CDC42BPA: variants seen among roughly 807,000 people sequenced by gnomAD.
CDC42BPA encodes serine/threonine-protein kinase MRCK alpha.
In CDC42BPA, 80 loss-of-function variants were observed where a neutral mutation model predicts 223.5. That is an observed-to-expected ratio of 0.36 (90% CI 0.30 to 0.43). CDC42BPA has a LOEUF of 0.43. CDC42BPA is among the 20% of genes least tolerant of loss of function. The pLI is 1.00. For synonymous variants in CDC42BPA, 694 were observed against 718.6 expected, an observed-to-expected ratio of 0.97 and a Z score of 0.55; for missense variants, 1,743 against 2,099.9, an observed-to-expected ratio of 0.83 and a Z score of 3.32.
intron 14 of CDC42BPA, among the ~76,000 whole-genome samples, chr1:227,104,092 C>A (rs987357718): frequency 1.3e-5 from 2 of 151,956 alleles, no homozygotes; most frequent in South Asian, 2.1e-4. Flanking sequence ...ATTAAGACTA[C>A]TAAATTAAAT....
At chr1:227,101,745 G>A (rs1408945528) in intron 14 of CDC42BPA, among the ~76,000 whole-genome samples, 1 of 151,784 alleles carries the variant, frequency 6.6e-6, no homozygotes, top group Non-Finnish European at 1.5e-5. Flanking sequence ...AATGGCAAAG[G>A]TCTAAACTAA....
At chr1:227,018,603 C>T (rs1331748868) in intron 32 of CDC42BPA, among the ~76,000 whole-genome samples, 1 of 152,134 alleles carries the variant, frequency 6.6e-6, no homozygotes, top group East Asian at 1.9e-4. Flanking sequence ...CATAGTCACA[C>T]ACAGTGAGAA....
chr1:227,269,188 A>T lies in CDC42BPA; in HGVS notation c.179-15033T>A, dbSNP rs558895007. ...AAATAGGTGGGGCTATGTTCCAATAAATCTGTATTTACAAAAACAAGGCAG... is the reference window on the plus strand; with the variant it reads ...AAATAGGTGGGGCTATGTTCCAATATATCTGTATTTACAAAAACAAGGCAG... On this transcript the variant is annotated intron_variant, in intron 1 of 36. Transcript: ENST00000366766. Among the ~76,000 whole-genome samples the T allele has an allele frequency of 6.6e-5, 10 of 152,352 alleles. No homozygotes were observed. The South Asian group carries it at 2.1e-3, about 32-fold the overall frequency.
At chr1:227,154,712 G>C (rs1392384834) in intron 6 of CDC42BPA, among the ~76,000 whole-genome samples, 2 of 151,982 alleles carry the variant, frequency 1.3e-5, no homozygotes, top group African/African-American at 2.4e-5. Flanking sequence ...TGTATTAACA[G>C]ACATAAAACC....
chr1:227,265,486 C>T (rs1228298993), intron 1 of CDC42BPA, among the ~76,000 whole-genome samples: 3 of 151,888 alleles, frequency 2.0e-5, no homozygotes, highest in South Asian at 2.1e-4. Context: ...CCAAGGCGGG[C>T]GGAATTGTGG....
chr1:227,006,739 A>C (rs1407814519), intron 34 of CDC42BPA, among the ~76,000 whole-genome samples: 1 of 152,200 alleles, frequency 6.6e-6, no homozygotes, highest in Non-Finnish European at 1.5e-5. Flanking sequence ...ATTCGAGACC[A>C]GCCTGGCTAA....
chr1:227,117,407 A>G (rs1337910878), intron 12 of CDC42BPA, among the ~76,000 whole-genome samples: 1 of 151,996 alleles, frequency 6.6e-6, no homozygotes, highest in Non-Finnish European at 1.5e-5. Context: ...GCCTCAATCT[A>G]CCAGGCTCAA....
intron 5 of CDC42BPA, among the ~76,000 whole-genome samples, chr1:227,171,673 AT>A (rs373451430): frequency 4.7e-5 from 7 of 150,250 alleles, no homozygotes; most frequent in Admixed American, 6.6e-5. Flanking sequence ...TCTATGGGTG[AT>A]TTTTTTTTTA....
chr1:227,207,146 T>A lies in CDC42BPA; in HGVS notation c.354+5990A>T, dbSNP rs1256332600. On this transcript the variant is annotated intron_variant, in intron 3 of 36. Coordinates refer to ENST00000366766, the MANE Select transcript of CDC42BPA (RefSeq NM_001394014.1). Reference sequence around the variant, plus strand: ...CCCTTCCTGTGTCCATGTGTTCTCATTGTTCAATTCCCACCTATGAGTGAG... The same window carrying A: ...CCCTTCCTGTGTCCATGTGTTCTCAATGTTCAATTCCCACCTATGAGTGAG... 1.5e-4 allele frequency among the ~76,000 whole-genome samples: 20 copies of A among 132,220 alleles called. No individual in the cohort carries two copies. The Admixed American group carries it at 1.6e-3, about 11-fold the overall frequency. The allele number at this position is 132,220 out of a possible 152,430, so 86.7% of individuals were successfully genotyped here. A position where few individuals can be genotyped will look rare whatever the true frequency, so the allele number is the denominator to read the frequency against.
At chr1:227,066,650 G>C (rs1439201964) in intron 21 of CDC42BPA, among the ~76,000 whole-genome samples, 2 of 152,108 alleles carry the variant, frequency 1.3e-5, no homozygotes, top group Non-Finnish European at 2.9e-5. Flanking sequence ...GTGGTGGATA[G>C]ATGACTGAGT....
chr1:227,029,789 G>C (rs1321291640), intron 29 of CDC42BPA, among the ~76,000 whole-genome samples: 1 of 152,086 alleles, frequency 6.6e-6, no homozygotes, highest in Non-Finnish European at 1.5e-5. Context: ...GGTACTAATA[G>C]AACAATGTGA....
intron 16 of CDC42BPA, among the ~76,000 whole-genome samples, chr1:227,085,438 ATTTGGCCAGAGGCCATAG>A (rs1384089145): frequency 1.3e-5 from 2 of 152,254 alleles, no homozygotes; most frequent in Admixed American, 6.5e-5. Context: ...TGGGAGCTAG[ATTTGGCCAGAGGCCATAG>A]TTTGCCAACT....
At chr1:227,293,023 T>C (rs1188258976) in intron 1 of CDC42BPA, among the ~76,000 whole-genome samples, 1 of 152,220 alleles carries the variant, frequency 6.6e-6, no homozygotes. Flanking sequence ...TATTTCTTCA[T>C]CATAGCTACT....
intron 1 of CDC42BPA, among the ~76,000 whole-genome samples, chr1:227,314,684 A>G (rs1383968932): frequency 6.6e-6 from 1 of 151,606 alleles, no homozygotes; most frequent in African/African-American, 2.4e-5. Context: ...TTTCATTAAT[A>G]TAAATAACGA....
intron 5 of CDC42BPA, among the ~76,000 whole-genome samples, chr1:227,189,998 A>G (rs7543579): frequency 1.3e-5 from 2 of 151,980 alleles, no homozygotes; most frequent in Non-Finnish European, 2.9e-5. Context: ...ACCAAGATAC[A>G]AAGTCTGTGA....
chr1:227,205,076 T>A (rs142893535), intron 3 of CDC42BPA, among the ~76,000 whole-genome samples: 14,104 of 151,812 alleles, frequency 0.093, 841 homozygotes, highest in Middle Eastern at 0.17. Context: ...CTGGCCAACA[T>A]GGCAAAACTC....
chr1:227,174,305 G>A (rs1572139318), intron 5 of CDC42BPA, among the ~76,000 whole-genome samples: 2 of 152,174 alleles, frequency 1.3e-5, no homozygotes, highest in Non-Finnish European at 2.9e-5. Flanking sequence ...GTAAGAGACT[G>A]AGAGAATTTT....
rs1678942992 is a variant in CDC42BPA at position 227,073,902 on chromosome 1, C to T, written c.2697G>A (p.Glu899=). Residue 899 remains glutamate (E), a synonymous_variant, in exon 19 of 37, where the codon GAG becomes GAA. Transcript: ENST00000366766. ...TATTAGATGCTTTAACTTTATTCAA[C>T]TCTTCTTGGATGGCCTGTTTGGCTC... ...EIRAKQAIQE[E]LNKVKASNII... 6.2e-7 allele frequency: 1 copy of T among 1,608,286 alleles called. No individual in the cohort carries two copies. Among genetic ancestry groups the T allele is most frequent in the African/African-American group, 1.3e-5 (1 of 74,546 alleles).
chr1:227,110,137 A>G (rs1686676316), intron 14 of CDC42BPA, among the ~76,000 whole-genome samples: 2 of 152,250 alleles, frequency 1.3e-5, no homozygotes, highest in Non-Finnish European at 2.9e-5. Flanking sequence ...CACAACCTCA[A>G]TATCCTTATT....
Sources: allele counts gnomAD v4.1 joint callset (sites outside exome capture counted in the v4.1 genomes callset), GRCh38; gene constraint gnomAD v4.1.1; transcripts MANE v1.5; gene names NCBI Gene and HGNC (gene_info 2026-07-23, HGNC 2026-07-21).